Variants in GRIK5 observed in about 807,000 individuals in gnomAD.
The protein encoded by GRIK5 is glutamate ionotropic receptor kainate type subunit 5.
In GRIK5, 43 loss-of-function variants were observed where a neutral mutation model predicts 97.4. That is an observed-to-expected ratio of 0.44 (90% CI 0.35 to 0.57). The LOEUF is 0.57. GRIK5 is among the 20% of genes least tolerant of loss of function. The pLI is 0.01. For synonymous variants in GRIK5, 580 were observed against 583.5 expected, an observed-to-expected ratio of 0.99 and a Z score of 0.09; for missense variants, 1,015 against 1,382.0, an observed-to-expected ratio of 0.73 and a Z score of 4.21.
intron 12 of GRIK5, among the ~76,000 whole-genome samples, chr19:42,025,879 G>A (rs552501054): frequency 4.6e-5 from 7 of 152,312 alleles, no homozygotes; most frequent in African/African-American, 1.2e-4. Flanking sequence ...TTGAGAGGCC[G>A]TCAGGAGGAT....
intron 6 of GRIK5, among the ~76,000 whole-genome samples, chr19:42,058,417 G>A (rs2076215264): frequency 1.3e-5 from 2 of 149,810 alleles, no homozygotes; most frequent in South Asian, 2.1e-4. Flanking sequence ...TCCTGACCTC[G>A]TGATCCGCCC....
chr19:42,002,748 C>A lies in GRIK5; in HGVS notation c.2514+584G>T, dbSNP rs1350633560. Among the ~76,000 whole-genome samples, 1 of 152,108 alleles carries A rather than the reference C, an allele frequency of 6.6e-6. No individual in the cohort carries two copies. The highest frequency in any genetic ancestry group is 1.9e-4 in the East Asian group (1 of 5,202). On this transcript the variant is annotated intron_variant, in intron 19 of 19. Transcript: ENST00000593562. The surrounding 1 kb of genome is among the most constrained non-coding windows in gnomAD (Gnocchi z 5.2). ...AACACAGTGTGGGACCAGTCCAGGG[C>A]TGTGTCCTCTTCTGGTTCCCTCTGT... is the stretch of plus-strand genomic sequence containing the variant.
chr19:42,005,993 C>T (rs371972206), intron 16 of GRIK5, 45 bp from the exon 17 acceptor site: 235 of 987,192 alleles, frequency 2.4e-4, no homozygotes, highest in Non-Finnish European at 3.4e-4. Context: ...GTCTTTCCAG[C>T]CGCTTCCTTT....
intron 12 of GRIK5, among the ~76,000 whole-genome samples, chr19:42,038,706 G>C (rs576346219): frequency 9.2e-5 from 14 of 152,364 alleles, no homozygotes; most frequent in African/African-American, 2.4e-4. Flanking sequence ...ATCTCACACT[G>C]GGCAGTGATC....
chr19:42,005,030 T>C (rs1170969689), intron 17 of GRIK5, among the ~76,000 whole-genome samples: 2 of 152,120 alleles, frequency 1.3e-5, no homozygotes, highest in Non-Finnish European at 2.9e-5. Flanking sequence ...CTGGGGCAAT[T>C]TGCTATGCAG....
intron 12 of GRIK5, among the ~76,000 whole-genome samples, chr19:42,026,289 T>C (rs2075771139): frequency 6.6e-6 from 1 of 151,610 alleles, no homozygotes; most frequent in Non-Finnish European, 1.5e-5. Context: ...CGCCTTGTTC[T>C]TTTTATTATT....
rs2076232627 is a variant in GRIK5 at position 42,059,540 on chromosome 19, TG to T, written c.509-14del. ...AATCGCAGCAGGCCTGAGGGAGGGG[TG>T]GGGCCTTGGGTTGGAGCCCTTCTGG... is the stretch of plus-strand genomic sequence containing the variant. On this transcript the variant is annotated splice_polypyrimidine_tract_variant and intron_variant, in intron 5 of 19. Transcript: ENST00000593562. The T allele has an allele frequency of 6.2e-7, 1 of 1,602,990 alleles. No homozygotes were observed. Among genetic ancestry groups the T allele is most frequent in the African/African-American group, 1.3e-5 (1 of 74,378 alleles).
In GRIK5 at chr19:42,062,986, C is replaced by T. The variant is rs541561288; in HGVS notation, c.245-131G>A. The T allele has an allele frequency of 2.2e-5, 15 of 680,120 alleles. No homozygotes were observed. The highest frequency in any genetic ancestry group is 1.9e-4 in the South Asian group (11 of 58,554). 42.1% of individuals were successfully genotyped at this position (680,120 alleles called of 1,614,324 possible). On this transcript the variant is annotated intron_variant, in intron 3 of 19. Transcript: ENST00000593562. This position sits in a 1 kb window ranked among gnomAD's most constrained non-coding sequence, Gnocchi z 5.3. Reference sequence around the variant, plus strand: ...AACTGCCTGATCCTCTTCTGCCATCCGGGACCCAGAAGGCCAGTCTCTGAC... The same window carrying T: ...AACTGCCTGATCCTCTTCTGCCATCTGGGACCCAGAAGGCCAGTCTCTGAC...
At chr19:42,035,177 C>T (rs2075887180) in intron 12 of GRIK5, among the ~76,000 whole-genome samples, 1 of 151,850 alleles carries the variant, frequency 6.6e-6, no homozygotes, top group African/African-American at 2.4e-5. Context: ...GATGGGGTTT[C>T]TCCATGTTGG....
intron 12 of GRIK5, among the ~76,000 whole-genome samples, chr19:42,039,869 A>G (rs1294152530): frequency 2.0e-5 from 3 of 151,462 alleles, no homozygotes; most frequent in Non-Finnish European, 1.5e-5. Context: ...AGTCCCAGCA[A>G]CTCGGGAGGC....
chr19:42,015,517 T>C (rs2075613646), intron 15 of GRIK5, among the ~76,000 whole-genome samples: 1 of 152,194 alleles, frequency 6.6e-6, no homozygotes, highest in South Asian at 2.1e-4. Flanking sequence ...AATCCCCAAA[T>C]CCTGTCTTCT....
At position 42,050,708 on chromosome 19, in the gene GRIK5, AG is replaced by A. The variant is rs2076104444; in HGVS notation, c.1269+2893del. Among the ~76,000 whole-genome samples, 5 of 152,180 alleles carry A rather than the reference AG, an allele frequency of 3.3e-5. No homozygotes were observed. The South Asian group carries it at 8.3e-4, about 25-fold the overall frequency. On this transcript the variant is annotated intron_variant, in intron 11 of 19. Transcript: ENST00000593562. ...AATAATAGAGGCAACGTGGTGCAAA[AG>A]ACAGGCATGTGGGCTCTGCTGCCTT...
intron 15 of GRIK5, among the ~76,000 whole-genome samples, chr19:42,012,314 G>T (rs1369744683): frequency 3.3e-5 from 5 of 152,022 alleles, no homozygotes; most frequent in African/African-American, 1.2e-4. Context: ...GCAGTGGCAC[G>T]ATCTCAGCTT....
intron 8 of GRIK5, 68 bp from the exon 9 acceptor site, chr19:42,054,540 C>A: frequency 6.4e-7 from 1 of 1,555,274 alleles, no homozygotes; most frequent in Non-Finnish European, 8.8e-7. Context: ...CCCAAAGGCC[C>A]CTGAGCTGCC....
intron 15 of GRIK5, among the ~76,000 whole-genome samples, chr19:42,019,667 A>AG (rs910609432): frequency 3.9e-5 from 6 of 152,230 alleles, no homozygotes; most frequent in Admixed American, 2.6e-4. Flanking sequence ...AAGGGTCCTT[A>AG]GGAGTGGAAG....
intron 12 of GRIK5, among the ~76,000 whole-genome samples, chr19:42,023,216 G>C (rs537105722): frequency 6.6e-6 from 1 of 151,832 alleles, no homozygotes; most frequent in Non-Finnish European, 1.5e-5. Context: ...AGCTAAAGCC[G>C]GGTACGGGAG....
chr19:42,022,304 C>T lies in GRIK5; in HGVS notation c.1524G>A (p.Lys508=). The T allele has an allele frequency of 6.2e-7, 1 of 1,614,092 alleles. No homozygotes were observed. ...TAAAGGGCTTGGAAAAGTCGATGAC[C>T]TTCTCCCGCTCAGCTGTGATGGTGA... ...AAFTITAERE[K]VIDFSKPFMT... The change falls in exon 13 of 20, where the codon AAG becomes AAA. Residue 508 remains lysine (K), a synonymous_variant. Coordinates refer to ENST00000593562, the MANE Select transcript of GRIK5 (RefSeq NM_002088.5). This position sits in a 1 kb window ranked among gnomAD's most constrained non-coding sequence, Gnocchi z 4.2.
Position 42,005,923 on chromosome 19 carries a change from C to CA in GRIK5, c.2062_2063insT (p.Arg688LeufsTer74). On this transcript the variant is annotated frameshift_variant, in exon 17 of 20. Transcript: ENST00000593562. LOFTEE classifies it high-confidence loss of function. ...CTTCGACTGCATGTAGTTCCACATG[C>CA]GCTGGTACGTTTGGTACCGTGAATT... The CA allele has an allele frequency of 6.3e-7, 1 of 1,592,208 alleles. No individual in the cohort carries two copies. Among genetic ancestry groups the CA allele is most frequent in the Non-Finnish European group, 8.6e-7 (1 of 1,163,918 alleles).
intron 6 of GRIK5, among the ~76,000 whole-genome samples, chr19:42,058,276 G>C (rs1351084814): frequency 6.6e-6 from 1 of 151,934 alleles, no homozygotes; most frequent in African/African-American, 2.4e-5. Context: ...CACCTCCCGG[G>C]TTCAAGTGAT....
Sources: gnomAD v4.1 joint callset for allele counts (sites outside exome capture counted in the v4.1 genomes callset) on GRCh38, gnomAD v4.1.1 for gene constraint, Gnocchi (gnomAD v3.1) non-coding constraint, MANE v1.5 for transcripts, NCBI Gene and HGNC (gene_info 2026-07-23, HGNC 2026-07-21) for gene names.